The following CCSER1 variants were observed in gnomAD, a reference collection of about 807,000 sequenced individuals.
CCSER1 encodes the protein serine-rich coiled-coil domain-containing protein 1.
In CCSER1, 41 loss-of-function variants were observed where a neutral mutation model predicts 82.0. The observed-to-expected ratio is 0.50, with a 90% CI of 0.39 to 0.65. CCSER1 has a LOEUF of 0.65. Ranked by LOEUF, CCSER1 falls within the 30% of genes least tolerant of loss-of-function variation. CCSER1 has a pLI of 0.00. For missense variants in CCSER1, 1,119 were observed against 1,064.2 expected (o/e 1.05, Z -0.72); for synonymous variants, 414 against 383.9 (o/e 1.08, Z -0.92).
chr4:90,831,990 G>T (rs62311110), intron 8 of CCSER1, among the ~76,000 whole-genome samples: 16,383 of 151,800 alleles, frequency 0.11, 991 homozygotes, highest in African/African-American at 0.15. Flanking sequence ...TCTTATATGT[G>T]TAATTACGTT....
At chr4:91,478,861 A>C (rs962030033) in intron 10 of CCSER1, among the ~76,000 whole-genome samples, 5 of 151,494 alleles carry the variant, frequency 3.3e-5, no homozygotes, top group African/African-American at 1.2e-4. Context: ...TTATAATTAA[A>C]TCTTCTATAT....
At chr4:90,880,748 G>T (rs977721679) in intron 8 of CCSER1, among the ~76,000 whole-genome samples, 1 of 152,028 alleles carries the variant, frequency 6.6e-6, no homozygotes, top group Admixed American at 6.6e-5. Flanking sequence ...GTATGCTGGG[G>T]GCCCACTTCA....
At chr4:91,411,108 G>T (rs1468000768) in intron 10 of CCSER1, among the ~76,000 whole-genome samples, 1 of 151,730 alleles carries the variant, frequency 6.6e-6, no homozygotes, top group Non-Finnish European at 1.5e-5. Flanking sequence ...AGAAATTACT[G>T]TCTGATTACT....
At position 90,372,756 on chromosome 4, in the gene CCSER1, C is replaced by T. The variant is rs182427544; in HGVS notation, c.1510-27280C>T. ...CAGAATGAAAACCCATCTGAAAAAA[C>T]GTATAAAAAAAAAAGCTAGATTAGG... On this transcript the variant is annotated intron_variant, in intron 3 of 10. Transcript: ENST00000509176. Among the ~76,000 whole-genome samples the T allele has an allele frequency of 3.4e-3, 513 of 149,658 alleles. 5 individuals carry two copies. Among genetic ancestry groups the T allele is most frequent in the Admixed American group, 9.6e-3 (144 of 15,022 alleles).
chr4:91,196,858 C>A (rs72669276), intron 10 of CCSER1, among the ~76,000 whole-genome samples: 12 of 152,222 alleles, frequency 7.9e-5, no homozygotes, highest in South Asian at 6.2e-4. Context: ...AATCTACTGC[C>A]TATCACTATT....
chr4:91,049,170 G>A (rs1742780473), intron 9 of CCSER1, among the ~76,000 whole-genome samples: 1 of 152,058 alleles, frequency 6.6e-6, no homozygotes, highest in Non-Finnish European at 1.5e-5. Context: ...AACAAAATAA[G>A]CAATGAAGAT....
intron 5 of CCSER1, among the ~76,000 whole-genome samples, chr4:90,484,913 G>A (rs941339248): frequency 2.6e-5 from 4 of 152,142 alleles, no homozygotes; most frequent in African/African-American, 9.7e-5. Context: ...TGTCAGACAG[G>A]GACATTTAAG....
intron 9 of CCSER1, among the ~76,000 whole-genome samples, chr4:90,975,734 T>C (rs1013423339): frequency 2.0e-5 from 3 of 151,356 alleles, no homozygotes; most frequent in Non-Finnish European, 1.5e-5. Flanking sequence ...AACATCACAT[T>C]ATTACCAATG....
intron 10 of CCSER1, among the ~76,000 whole-genome samples, chr4:91,225,112 A>G (rs921050029): frequency 2.0e-5 from 3 of 147,642 alleles, no homozygotes; most frequent in African/African-American, 7.4e-5. Flanking sequence ...TTCTTGAAAT[A>G]AAATGTTACT....
intron 9 of CCSER1, among the ~76,000 whole-genome samples, chr4:90,962,878 C>T (rs1200615236): frequency 1.3e-5 from 2 of 151,960 alleles, no homozygotes; most frequent in Non-Finnish European, 2.9e-5. Context: ...AAAAATTCTA[C>T]TAGTCACTCT....
chr4:90,422,725 T>C (rs1756887097), intron 4 of CCSER1, among the ~76,000 whole-genome samples: 1 of 152,202 alleles, frequency 6.6e-6, no homozygotes, highest in Non-Finnish European at 1.5e-5. Flanking sequence ...TTTTCTGCTA[T>C]GTTTATTTTT....
intron 9 of CCSER1, among the ~76,000 whole-genome samples, chr4:90,944,987 A>G (rs1241526157): frequency 1.3e-5 from 2 of 152,200 alleles, no homozygotes; most frequent in Non-Finnish European, 2.9e-5. Flanking sequence ...GAAAATGTTT[A>G]TCTGATCGAG....
intron 5 of CCSER1, among the ~76,000 whole-genome samples, chr4:90,593,789 A>G (rs753740504): frequency 3.3e-5 from 5 of 151,998 alleles, no homozygotes; most frequent in Non-Finnish European, 7.4e-5. Context: ...GGTAATTCCT[A>G]TTATGTTGCA....
chr4:91,105,598 G>A (rs999243639), intron 10 of CCSER1, among the ~76,000 whole-genome samples: 55 of 152,208 alleles, frequency 3.6e-4, no homozygotes, highest in African/African-American at 1.3e-3. Flanking sequence ...CAGCTACTCA[G>A]GAGGCAGAGG....
intron 1 of CCSER1, among the ~76,000 whole-genome samples, chr4:90,138,736 G>A (rs1246523757): frequency 6.6e-6 from 1 of 151,788 alleles, no homozygotes; most frequent in Non-Finnish European, 1.5e-5. Flanking sequence ...AAGTTCTAGG[G>A]TACATATGCA....
At chr4:90,340,542 A>G (rs921217776) in intron 3 of CCSER1, among the ~76,000 whole-genome samples, 5 of 152,170 alleles carry the variant, frequency 3.3e-5, no homozygotes, top group Non-Finnish European at 7.4e-5. Flanking sequence ...ATTCAAAGGA[A>G]ATTATAATTA....
intron 10 of CCSER1, among the ~76,000 whole-genome samples, chr4:91,220,486 A>G (rs1737644332): frequency 6.6e-6 from 1 of 152,224 alleles, no homozygotes; most frequent in South Asian, 2.1e-4. Flanking sequence ...CTAGAATACA[A>G]TGAAGGTTTG....
chr4:90,939,411 C>T (rs1432279783), intron 9 of CCSER1, among the ~76,000 whole-genome samples: 1 of 152,146 alleles, frequency 6.6e-6, no homozygotes, highest in Non-Finnish European at 1.5e-5. Flanking sequence ...GAATTGCTTC[C>T]TGATTTCTGT....
intron 10 of CCSER1, among the ~76,000 whole-genome samples, chr4:91,162,527 C>G (rs1180215687): frequency 1.3e-5 from 2 of 152,136 alleles, no homozygotes; most frequent in Non-Finnish European, 2.9e-5. Context: ...CCTTGTACCT[C>G]TGGTAGAATT....
Sources: gnomAD v4.1 joint callset for allele counts (sites outside exome capture counted in the v4.1 genomes callset) on GRCh38, gnomAD v4.1.1 for gene constraint, MANE v1.5 for transcripts, NCBI Gene and HGNC (gene_info 2026-07-23, HGNC 2026-07-21) for gene names.